Variants in VPS53 observed in about 807,000 individuals in gnomAD.
VPS53 encodes the protein vacuolar protein sorting-associated protein 53 homolog.
A neutral mutation model predicts 107.0 loss-of-function variants in VPS53; 70 were observed. The ratio of observed to expected loss-of-function variants is 0.65; its 90% confidence interval spans 0.54 to 0.80. The LOEUF (loss-of-function observed/expected upper bound fraction) is 0.80. VPS53 is among the 30% of genes least tolerant of loss of function. The pLI is 0.00. For missense variants in VPS53, 917 were observed against 1,049.4 expected (o/e 0.87, Z 1.74); for synonymous variants, 409 against 393.3 (o/e 1.04, Z -0.47).
At chr17:595,683 C>CG (rs199498930) in intron 12 of VPS53, among the ~76,000 whole-genome samples, 4 of 136,450 alleles carry the variant, frequency 2.9e-5, no homozygotes, top group Non-Finnish European at 4.8e-5. Context: ...TCTAGTGCCC[C>CG]CCCTGGAGGA....
At chr17:653,207 C>G (rs1597440889) in intron 7 of VPS53, 84 bp downstream of exon 7, 2 of 1,566,890 alleles carry the variant, frequency 1.3e-6, no homozygotes, top group East Asian at 4.5e-5. Flanking sequence ...TCCCCATATA[C>G]TTTCCCTCTG....
At chr17:532,798 A>C (rs1445296044) in intron 19 of VPS53, 44 bp downstream of exon 19, 35 of 1,610,274 alleles carry the variant, frequency 2.2e-5, no homozygotes, top group Non-Finnish European at 2.7e-5. Flanking sequence ...CTTGATCTAC[A>C]ACAAAAGCTG....
At chr17:640,063 T>C (rs1005436826) in intron 7 of VPS53, among the ~76,000 whole-genome samples, 3 of 152,230 alleles carry the variant, frequency 2.0e-5, no homozygotes, top group Admixed American at 1.3e-4. Context: ...TCCAGCTTCC[T>C]GGCCACTTTG....
At chr17:562,455 T>C (rs1449646206) in intron 14 of VPS53, 48 bp downstream of exon 14, 1 of 1,602,916 alleles carries the variant, frequency 6.2e-7, no homozygotes, top group Non-Finnish European at 8.5e-7. Flanking sequence ...AAGATTCCCA[T>C]ATTTAGGTCT....
At chr17:564,015 C>T (rs551537056) in intron 13 of VPS53, among the ~76,000 whole-genome samples, 37 of 152,162 alleles carry the variant, frequency 2.4e-4, no homozygotes, top group Non-Finnish European at 5.0e-4. Flanking sequence ...TGTGGGAGGC[C>T]GAGGCGGGCA....
Position 510,614 on chromosome 17 carries a change from A to T in VPS53, c.*8514T>A. The T allele has an allele frequency of 6.5e-6, 1 of 153,786 alleles. No individual in the cohort carries two copies. 9.5% of individuals were successfully genotyped at this position (153,786 alleles called of 1,614,324 possible). A position where few individuals can be genotyped will look rare whatever the true frequency, so the allele number is the denominator to read the frequency against. ...AGTCCCGTCCACTAAACGGAGCTTAACTTAGCAGGAATTTCATCCGATGAG... is the reference window on the plus strand; with the variant it reads ...AGTCCCGTCCACTAAACGGAGCTTATCTTAGCAGGAATTTCATCCGATGAG... On this transcript the variant is annotated 3_prime_UTR_variant, in exon 22 of 22. Transcript: ENST00000437048.
chr17:551,784 A>C (rs2151837703), intron 17 of VPS53, 88 bp downstream of exon 17: 1 of 1,189,720 alleles, frequency 8.4e-7, no homozygotes, highest in Non-Finnish European at 1.1e-6. Flanking sequence ...CGCTCCGATG[A>C]GCCTGGAGAA....
chr17:679,071 A>G (rs921931753), intron 4 of VPS53, among the ~76,000 whole-genome samples: 1 of 152,228 alleles, frequency 6.6e-6, no homozygotes, highest in African/African-American at 2.4e-5. Flanking sequence ...GAAAGCAGTA[A>G]AATATAAAGG....
Position 560,924 on chromosome 17 carries a change from T to C in VPS53, c.1557-351A>G, listed in dbSNP as rs552327841. 3.3e-5 allele frequency among the ~76,000 whole-genome samples: 5 copies of C among 152,356 alleles called. No homozygotes were observed. The East Asian group carries it at 5.8e-4, about 18-fold the overall frequency. ...GTGTGGAGCACGAAAGATGGTTACC[T>C]ACCCTGTTTCTTTCAGTTAAGAAAA... On this transcript the variant is annotated intron_variant, in intron 14 of 21. Coordinates refer to ENST00000437048, the MANE Select transcript of VPS53 (RefSeq NM_001128159.3).
At chr17:597,313 C>T (rs1225196677) in intron 12 of VPS53, among the ~76,000 whole-genome samples, 2 of 152,104 alleles carry the variant, frequency 1.3e-5, no homozygotes, top group Non-Finnish European at 2.9e-5. Context: ...ACCACTAACA[C>T]CTGGTGGGGT....
In VPS53 at chr17:517,358, C is replaced by T. The variant is rs1156771672; in HGVS notation, c.*1770G>A. 26 of 398,886 alleles carry T rather than the reference C, an allele frequency of 6.5e-5. No homozygotes were observed. Among genetic ancestry groups the T allele is most frequent in the East Asian group, 2.1e-4 (6 of 28,182 alleles). The allele number at this position is 398,886 out of a possible 1,614,324, so 24.7% of individuals were successfully genotyped here. ...AATGACACTCAGGATCAGAGCTGGACGGCATCGGGGAGAAAGCCTGGCAGA... is the reference window on the plus strand; with the variant it reads ...AATGACACTCAGGATCAGAGCTGGATGGCATCGGGGAGAAAGCCTGGCAGA... On this transcript the variant is annotated 3_prime_UTR_variant, in exon 22 of 22. Coordinates refer to ENST00000437048, the MANE Select transcript of VPS53 (RefSeq NM_001128159.3).
chr17:701,612 G>C (rs994473303), intron 2 of VPS53, among the ~76,000 whole-genome samples: 1 of 152,030 alleles, frequency 6.6e-6, no homozygotes, highest in African/African-American at 2.4e-5. Flanking sequence ...TCTTGACCTC[G>C]TGATCTGCCC....
Position 671,706 on chromosome 17 carries a change from C to CTTT in VPS53, c.286-9814_286-9812dup, listed in dbSNP as rs113856697. Among the ~76,000 whole-genome samples the CTTT allele has an allele frequency of 3.2e-3, 437 of 138,638 alleles. 4 individuals are homozygous for CTTT. Among genetic ancestry groups the CTTT allele is most frequent in the African/African-American group, 9.2e-3 (351 of 37,966 alleles). 91.0% of individuals were successfully genotyped at this position (138,638 alleles called of 152,430 possible). On this transcript the variant is annotated intron_variant, in intron 4 of 21. Transcript: ENST00000437048. ...CCTCGTTGGAGCAGTTTTCCCATGA[C>CTTT]TTTTTTTTTTTTTTTTTGAGACAGA...
chr17:689,770 G>A (rs454210), intron 4 of VPS53, among the ~76,000 whole-genome samples: 150,885 of 152,290 alleles, frequency 0.99, 74,768 homozygotes, highest in Middle Eastern at 1. Context: ...TACCAAGCCC[G>A]GCCTATTTTC....
chr17:567,947 A>C (rs933178339), intron 13 of VPS53, among the ~76,000 whole-genome samples: 2 of 152,054 alleles, frequency 1.3e-5, no homozygotes, highest in African/African-American at 4.8e-5. Context: ...CCTTCCCGAA[A>C]TACTGCTGGG....
At chr17:623,770 AATGT>A in intron 10 of VPS53, 96 bp from the exon 11 acceptor site, 2 of 1,366,308 alleles carry the variant, frequency 1.5e-6, no homozygotes, top group Non-Finnish European at 2.0e-6. Context: ...AGAAAAAAAA[AATGT>A]ATGTGGTCAT....
intron 20 of VPS53, among the ~76,000 whole-genome samples, chr17:521,220 G>T (rs188106832): frequency 6.6e-6 from 1 of 152,298 alleles, no homozygotes; most frequent in Non-Finnish European, 1.5e-5. Flanking sequence ...CATTTAAAGT[G>T]GCAGAGTACA....
intron 17 of VPS53, among the ~76,000 whole-genome samples, chr17:548,017 T>C (rs1204346667): frequency 6.6e-6 from 1 of 152,166 alleles, no homozygotes; most frequent in Non-Finnish European, 1.5e-5. Flanking sequence ...GACGTGCTCC[T>C]TGGGCAGACG....
chr17:541,954 A>G (rs79481894), intron 17 of VPS53, among the ~76,000 whole-genome samples: 29,275 of 144,212 alleles, frequency 0.2, 6,228 homozygotes, highest in African/African-American at 0.55. Context: ...ACTACGCACC[A>G]GGCGCTGAAG....
Sources: gnomAD v4.1 joint callset for allele counts (sites outside exome capture counted in the v4.1 genomes callset) on GRCh38, gnomAD v4.1.1 for gene constraint, MANE v1.5 for transcripts, NCBI Gene and HGNC (gene_info 2026-07-23, HGNC 2026-07-21) for gene names.